The following LPXN variants were observed in gnomAD, a reference collection of about 807,000 sequenced individuals.
LPXN encodes leupaxin.
Under a neutral mutation model 45.6 loss-of-function variants are expected in LPXN, and 28 were observed. The observed-to-expected ratio is 0.61, with a 90% CI of 0.45 to 0.84. The LOEUF (loss-of-function observed/expected upper bound fraction) is 0.84. Among genes scored for constraint, LPXN ranks in the 40% least tolerant of loss-of-function variants. The pLI is 0.00. For missense variants in LPXN, 459 were observed against 475.0 expected (o/e 0.97, Z 0.31); for synonymous variants, 166 against 169.9 (o/e 0.98, Z 0.18).
intron 7 of LPXN, among the ~76,000 whole-genome samples, chr11:58,536,822 A>C (rs528816567): frequency 6.6e-6 from 1 of 152,230 alleles, no homozygotes; most frequent in South Asian, 2.1e-4. Context: ...AGAAAAAAAA[A>C]CAACCCCATC....
chr11:58,573,316 T>C (rs928300336), intron 1 of LPXN, among the ~76,000 whole-genome samples: 2 of 151,472 alleles, frequency 1.3e-5, no homozygotes, highest in Non-Finnish European at 2.9e-5. Flanking sequence ...GAAAGAAAAC[T>C]TTTTGCCTCA....
At chr11:58,573,382 C>T (rs1465730879) in intron 1 of LPXN, among the ~76,000 whole-genome samples, 1 of 152,140 alleles carries the variant, frequency 6.6e-6, no homozygotes, top group African/African-American at 2.4e-5. Context: ...TTTTATTCTA[C>T]ATCTTTCAAT....
intron 2 of LPXN, among the ~76,000 whole-genome samples, chr11:58,567,824 G>A (rs955572757): frequency 6.6e-6 from 1 of 152,042 alleles, no homozygotes; most frequent in Non-Finnish European, 1.5e-5. Context: ...GTTTTGTTTT[G>A]AGCTAACTGC....
In LPXN at chr11:58,527,302, G is replaced by A; in HGVS notation, c.*152C>T. 8.6e-6 allele frequency: 6 copies of A among 693,924 alleles called. No homozygotes were observed. Among genetic ancestry groups the A allele is most frequent in the Non-Finnish European group, 1.2e-5 (5 of 415,728 alleles). 43.0% of individuals were successfully genotyped at this position (693,924 alleles called of 1,614,324 possible). A position where few individuals can be genotyped will look rare whatever the true frequency, so the allele number is the denominator to read the frequency against. On this transcript the variant is annotated 3_prime_UTR_variant, in exon 9 of 9. Coordinates refer to ENST00000395074, the MANE Select transcript of LPXN (RefSeq NM_004811.3). ...AAAATAAGATTATCAGCCTAGTCATGTAAAGTCTAGAAGTTCCTTTATTTG... is the reference window on the plus strand; with the variant it reads ...AAAATAAGATTATCAGCCTAGTCATATAAAGTCTAGAAGTTCCTTTATTTG...
intron 7 of LPXN, 39 bp downstream of exon 7, chr11:58,549,747 A>C: frequency 6.3e-7 from 1 of 1,578,632 alleles, no homozygotes; most frequent in Non-Finnish European, 8.7e-7. Context: ...ATAACTACCC[A>C]CTGGGGTGTG....
intron 1 of LPXN, among the ~76,000 whole-genome samples, chr11:58,572,315 A>G (rs1032880620): frequency 4.6e-5 from 7 of 152,120 alleles, no homozygotes; most frequent in African/African-American, 1.7e-4. Flanking sequence ...TGAAATATAC[A>G]GATCTTTCAT....
intron 7 of LPXN, among the ~76,000 whole-genome samples, chr11:58,535,696 A>G (rs1853530707): frequency 6.6e-6 from 1 of 152,214 alleles, no homozygotes; most frequent in Non-Finnish European, 1.5e-5. Context: ...AAAGAAATAA[A>G]GGGTACTCAC....
rs1285065398 is a variant in LPXN at position 58,526,901 on chromosome 11, AATG to A, written c.*550_*552del. ...GAAACCACAAGCCAGTTTATTTATCAATGATGTCAGTACTCAAAGTTGTCCAGT... is the reference window on the plus strand; with the variant it reads ...GAAACCACAAGCCAGTTTATTTATCAATGTCAGTACTCAAAGTTGTCCAGT... On this transcript the variant is annotated 3_prime_UTR_variant, in exon 9 of 9. Transcript: ENST00000395074. The A allele has an allele frequency of 1.9e-5, 3 of 154,772 alleles. No homozygotes were observed. Among genetic ancestry groups the A allele is most frequent in the African/African-American group, 7.2e-5 (3 of 41,474 alleles). The allele number at this position is 154,772 out of a possible 1,614,324, so 9.6% of individuals were successfully genotyped here.
At chr11:58,543,705 T>C (rs980979735) in intron 7 of LPXN, among the ~76,000 whole-genome samples, 3 of 152,138 alleles carry the variant, frequency 2.0e-5, no homozygotes, top group African/African-American at 7.2e-5. Context: ...CTTAAATGCA[T>C]CCTGACTTTG....
At chr11:58,531,609 A>G in intron 7 of LPXN, among the ~76,000 whole-genome samples, 1 of 152,184 alleles carries the variant, frequency 6.6e-6, no homozygotes, top group East Asian at 1.9e-4. Flanking sequence ...TATGGGGAGA[A>G]TGGAACCAAG....
chr11:58,530,950 G>A (rs1169447884), intron 7 of LPXN, among the ~76,000 whole-genome samples: 1 of 152,214 alleles, frequency 6.6e-6, no homozygotes, highest in African/African-American at 2.4e-5. Context: ...CCGTGGACTT[G>A]TAGCAGAGGA....
rs1329217715 is a variant in LPXN, at chr11:58,549,962, G to A, written c.660+11C>T. 2 of 1,614,056 alleles carry A rather than the reference G, an allele frequency of 1.2e-6. No homozygotes were observed. Among genetic ancestry groups the A allele is most frequent in the Admixed American group, 1.7e-5 (1 of 60,028 alleles). Reference sequence around the variant, plus strand: ...TGACTGAAAGCTGGAGAGGAGCGGGGATTTACTTACATCCAGGATGGGAGC... The same window carrying A: ...TGACTGAAAGCTGGAGAGGAGCGGGAATTTACTTACATCCAGGATGGGAGC... On this transcript the variant is annotated intron_variant, in intron 6 of 8. Transcript: ENST00000395074.
chr11:58,537,949 A>G (rs979957613), intron 7 of LPXN, among the ~76,000 whole-genome samples: 1 of 118,726 alleles, frequency 8.4e-6, no homozygotes, highest in African/African-American at 3.3e-5. Flanking sequence ...CAGTCCCCAG[A>G]GTGTGATGTT....
intron 4 of LPXN, among the ~76,000 whole-genome samples, chr11:58,552,722 T>TGTTATA (rs1458640928): frequency 6.6e-6 from 1 of 152,234 alleles, no homozygotes; most frequent in Non-Finnish European, 1.5e-5. Flanking sequence ...ACAGACATCC[T>TGTTATA]TCCTTCTCTA....
At chr11:58,534,957 A>C (rs1467103777) in intron 7 of LPXN, among the ~76,000 whole-genome samples, 1 of 152,226 alleles carries the variant, frequency 6.6e-6, no homozygotes, top group African/African-American at 2.4e-5. Flanking sequence ...CACTCTCCCA[A>C]GTCTAGACCA....
At chr11:58,535,414 CA>C (rs1853520485) in intron 7 of LPXN, among the ~76,000 whole-genome samples, 1 of 152,140 alleles carries the variant, frequency 6.6e-6, no homozygotes, top group Admixed American at 6.5e-5. Context: ...GAAACAATGA[CA>C]AAAACCATGA....
At chr11:58,553,997 C>T (rs1211758841) in intron 4 of LPXN, 1 of 152,490 alleles carries the variant, frequency 6.6e-6, no homozygotes, top group African/African-American at 2.4e-5. Context: ...TCTCCTCTGT[C>T]CTGCTTAGTC....
chr11:58,564,763 A>C (rs1854478942), intron 2 of LPXN, among the ~76,000 whole-genome samples: 1 of 152,218 alleles, frequency 6.6e-6, no homozygotes, highest in African/African-American at 2.4e-5. Context: ...AATAATAAAG[A>C]AATTGGTATG....
intron 3 of LPXN, among the ~76,000 whole-genome samples, chr11:58,557,769 C>T (rs1487166087): frequency 6.6e-6 from 1 of 152,084 alleles, no homozygotes; most frequent in Non-Finnish European, 1.5e-5. Context: ...GTTAATTTGC[C>T]TCACTATAGT....
Sources: allele counts gnomAD v4.1 joint callset (sites outside exome capture counted in the v4.1 genomes callset), GRCh38; gene constraint gnomAD v4.1.1; transcripts MANE v1.5; gene names NCBI Gene and HGNC (gene_info 2026-07-23, HGNC 2026-07-21).